The following MTMR10 variants were observed in gnomAD, a reference collection of about 807,000 sequenced individuals.
The protein encoded by MTMR10 is myotubularin-related protein 10.
In MTMR10, 56 loss-of-function variants were observed where a neutral mutation model predicts 88.1. The observed-to-expected ratio is 0.64, with a 90% CI of 0.51 to 0.79. The LOEUF (loss-of-function observed/expected upper bound fraction) is 0.79, where lower values mean the gene tolerates loss of function less well. Among genes scored for constraint, MTMR10 ranks in the 30% least tolerant of loss-of-function variants. The probability of loss-of-function intolerance (pLI) is 0.00; values close to 1 mark genes in which losing one functional copy is unlikely to be tolerated. For synonymous variants in MTMR10, 380 were observed against 340.9 expected (o/e 1.11, Z -1.26); for missense variants, 883 against 924.7 (o/e 0.95, Z 0.58).
Position 30,943,036 on chromosome 15 carries a change from C to G in MTMR10, c.1585G>C (p.Glu529Gln). ...AISKNIQLGD[E>Q]KGLKFPSVWD... ...ACAGAGGGGAATTTTAAGCCCTTCT[C>G]ATCACCCAATTGGATGTTTTTGCTT... The change falls in exon 15 of 16, where the codon GAG (glutamate) becomes CAG (glutamine). Residue 529 changes from glutamate to glutamine, a missense_variant. Physicochemically the swap from Glu to Gln is conservative, Grantham distance 29. Around this residue, in one of 3 missense-constraint regions of MTMR10, gnomAD observed 343 missense variants for 323.2 expected, o/e 1.06. Transcript: ENST00000435680. 1 of 1,547,448 alleles carries G rather than the reference C, an allele frequency of 6.5e-7. No individual in the cohort carries two copies. The highest frequency in any genetic ancestry group is 8.7e-7 in the Non-Finnish European group (1 of 1,145,968).
At chr15:30,920,439 A>G in the MTMR10 span, 1 of 757,302 alleles carries the variant, frequency 1.3e-6, no homozygotes, top group East Asian at 2.7e-5. Flanking sequence ...TATTTAGAAT[A>G]TACCTTTTTA....
intron 10 of MTMR10, 99 bp downstream of exon 10, chr15:30,954,664 A>C (rs1056140701): frequency 8.4e-7 from 1 of 1,188,848 alleles, no homozygotes; most frequent in Admixed American, 3.5e-5. Context: ...CTCCTTAAAT[A>C]TATCTATTTC....
the MTMR10 span, among the ~76,000 whole-genome samples, chr15:30,920,876 C>T: frequency 3.3e-5 from 5 of 152,202 alleles, no homozygotes; most frequent in Non-Finnish European, 5.9e-5. Flanking sequence ...CTCTGCCTCC[C>T]GGGCTCAAGT....
In MTMR10 at chr15:30,941,274, C is replaced by T; in HGVS notation, c.*196G>A. 6.7e-7 allele frequency: 1 copy of T among 1,489,852 alleles called. No individual in the cohort carries two copies. Among genetic ancestry groups the T allele is most frequent in the Non-Finnish European group, 8.9e-7 (1 of 1,118,584 alleles). The allele number at this position is 1,489,852 out of a possible 1,614,324, so 92.3% of individuals were successfully genotyped here. A position where few individuals can be genotyped will look rare whatever the true frequency, so the allele number is the denominator to read the frequency against. ...CAGACCTGTAATGACAGAAAGAGGA[C>T]AGGAACAAAATTTACATCTCTCTTA... On this transcript the variant is annotated 3_prime_UTR_variant, in exon 16 of 16. Transcript: ENST00000435680.
At chr15:30,943,658 G>A in intron 14 of MTMR10, 1 of 985,408 alleles carries the variant, frequency 1.0e-6, no homozygotes, top group Non-Finnish European at 1.2e-6. Context: ...GTACACAGGA[G>A]ACCCCTCCTT....
At position 30,939,826 on chromosome 15, in the gene MTMR10, T is replaced by C. The variant is rs1334537436; in HGVS notation, c.*1644A>G. The C allele has an allele frequency of 1.0e-6, 1 of 985,140 alleles. No homozygotes were observed. Among genetic ancestry groups the C allele is most frequent in the Admixed American group, 6.1e-5 (1 of 16,276 alleles). The allele number at this position is 985,140 out of a possible 1,614,324, so 61.0% of individuals were successfully genotyped here. A position where few individuals can be genotyped will look rare whatever the true frequency, so the allele number is the denominator to read the frequency against. On this transcript the variant is annotated 3_prime_UTR_variant, in exon 16 of 16. Transcript: ENST00000435680. ...TTGGGTCTGGTTTCTAATCAAGGAC[T>C]GTAAAATGTTTAATAATTCTATTTG... is the stretch of plus-strand genomic sequence containing the variant.
At chr15:30,947,446 CACAT>C in intron 13 of MTMR10, 146 bp from the exon 14 acceptor site, 1 of 887,142 alleles carries the variant, frequency 1.1e-6, no homozygotes, top group Non-Finnish European at 1.7e-6. Context: ...CTGAGCTATA[CACAT>C]CTATCAAACC....
At chr15:30,946,696 C>G (rs2063176001) in intron 14 of MTMR10, 3 of 701,634 alleles carry the variant, frequency 4.3e-6, no homozygotes, top group Non-Finnish European at 7.8e-6. Context: ...GTCATAAATC[C>G]TCTACATCAA....
chr15:30,927,893 C>T, the MTMR10 span: 3 of 985,770 alleles, frequency 3.0e-6, no homozygotes, highest in Non-Finnish European at 3.6e-6. Context: ...CAGCACCTGA[C>T]TTCTGTCTCT....
the MTMR10 span, chr15:30,922,344 G>A: frequency 3.5e-5 from 56 of 1,610,340 alleles, no homozygotes; most frequent in East Asian, 7.1e-4. Flanking sequence ...CACTTGAAGC[G>A]CCTGGAACCG....
At chr15:30,954,394 T>C (rs907088576) in intron 10 of MTMR10, among the ~76,000 whole-genome samples, 2 of 152,248 alleles carry the variant, frequency 1.3e-5, no homozygotes, top group African/African-American at 2.4e-5. Context: ...ACACAGCTGT[T>C]TGATACCCAT....
In MTMR10 at chr15:30,947,238, A is replaced by G; in HGVS notation, c.1440T>C (p.Ala480=). 1 of 1,614,028 alleles carries G rather than the reference A, an allele frequency of 6.2e-7. No homozygotes were observed. Among genetic ancestry groups the G allele is most frequent in the Non-Finnish European group, 8.5e-7 (1 of 1,179,890 alleles). The part of the protein sequence containing the change: ...TWQLLEQYPA[A]FEFSETYLAV... ...CCAGGTAGGTTTCGGAGAACTCAAAAGCTGCAGGATATTGTTCTAACAGCT... is the reference window on the plus strand; with the variant it reads ...CCAGGTAGGTTTCGGAGAACTCAAAGGCTGCAGGATATTGTTCTAACAGCT... The change falls in exon 14 of 16, where the codon GCT becomes GCC. Residue 480 remains alanine (A), a synonymous_variant. Transcript: ENST00000435680.
chr15:30,968,664 G>C (rs867395424), intron 5 of MTMR10, among the ~76,000 whole-genome samples: 1 of 152,160 alleles, frequency 6.6e-6, no homozygotes, highest in South Asian at 2.1e-4. Flanking sequence ...CAGGGGGCTT[G>C]AATCCTAGCT....
the MTMR10 span, chr15:30,920,758 A>T: frequency 1.5e-6 from 1 of 672,726 alleles, no homozygotes; most frequent in Non-Finnish European, 2.6e-6. Context: ...TTTGGTTAGC[A>T]CACAGTAATA....
chr15:30,955,644 CA>C (rs1283073350), intron 9 of MTMR10, among the ~76,000 whole-genome samples: 4 of 151,866 alleles, frequency 2.6e-5, no homozygotes, highest in East Asian at 3.9e-4. Context: ...GAAACACTGC[CA>C]AGGGGGGGGC....
chr15:30,924,872 T>G, the MTMR10 span, among the ~76,000 whole-genome samples: 1 of 152,180 alleles, frequency 6.6e-6, no homozygotes, highest in South Asian at 2.1e-4. Context: ...GGGCAGCTGC[T>G]GGGATCCACT....
At chr15:30,988,224 A>T (rs1300467357) in intron 2 of MTMR10, among the ~76,000 whole-genome samples, 2 of 152,198 alleles carry the variant, frequency 1.3e-5, no homozygotes, top group Non-Finnish European at 2.9e-5. Flanking sequence ...GACAGAACAC[A>T]GCCAGGATGG....
the MTMR10 span, chr15:30,930,501 G>A: frequency 6.4e-7 from 1 of 1,557,840 alleles, no homozygotes; most frequent in South Asian, 1.2e-5. Flanking sequence ...TCCATTCTCT[G>A]TCACGAGGGA....
Position 30,943,004 on chromosome 15 carries a change from G to A in MTMR10, c.1617C>T (p.Asp539=). ...EKGLKFPSVW[D]WSLQFTAKDR... ...CCTTTGCTGTAAACTGGAGAGACCA[G>A]TCCCAAACAGAGGGGAATTTTAAGC... The change falls in exon 15 of 16, where the codon GAC becomes GAT. Residue 539 remains aspartate (D), a synonymous_variant. Transcript: ENST00000435680. 6.4e-7 allele frequency: 1 copy of A among 1,552,320 alleles called. No individual in the cohort carries two copies. The highest frequency in any genetic ancestry group is 8.7e-7 in the Non-Finnish European group (1 of 1,147,152).
Sources: allele counts gnomAD v4.1 joint callset (sites outside exome capture counted in the v4.1 genomes callset), GRCh38; gene constraint gnomAD v4.1.1; regional missense constraint gnomAD v4.1.1; transcripts MANE v1.5; gene names NCBI Gene and HGNC (gene_info 2026-07-23, HGNC 2026-07-21).